The following SPHKAP variants were observed in gnomAD, a reference collection of about 807,000 sequenced individuals.
SPHKAP encodes the protein SPHK1 interactor, AKAP domain containing, also known as A-kinase anchor protein SPHKAP.
A neutral mutation model predicts 137.5 loss-of-function variants in SPHKAP; 67 were observed. The ratio of observed to expected loss-of-function variants is 0.49; its 90% CI spans 0.40 to 0.60. The LOEUF is 0.60. Among genes scored for constraint, SPHKAP ranks in the 20% least tolerant of loss-of-function variants. SPHKAP has a pLI of 0.00. For missense variants in SPHKAP, 2,097 were observed against 2,069.3 expected (o/e 1.01, Z -0.26); for synonymous variants, 813 against 785.3 (o/e 1.04, Z -0.59).
chr2:228,092,116 TATAC>T (rs1396893318), intron 3 of SPHKAP, among the ~76,000 whole-genome samples: 1 of 134,022 alleles, frequency 7.5e-6, no homozygotes, highest in African/African-American at 2.8e-5. Flanking sequence ...TATACACATA[TATAC>T]ATATACGTAT....
rs143148248 is a variant in SPHKAP at position 227,992,151 on chromosome 2, G to A, written c.4722-825C>T. Among the ~76,000 whole-genome samples, 220 of 152,234 alleles carry A rather than the reference G, an allele frequency of 1.4e-3. 2 individuals carry two copies. In the East Asian group the frequency reaches 0.021, roughly 15 times the overall value. ...CCTGTGGTTGTCCTATATTTTTGTCGTGTCTAGAAATTAGAGTACAGGAGC... is the reference window on the plus strand; with the variant it reads ...CCTGTGGTTGTCCTATATTTTTGTCATGTCTAGAAATTAGAGTACAGGAGC... On this transcript the variant is annotated intron_variant, in intron 9 of 11. Coordinates refer to ENST00000392056, the MANE Select transcript of SPHKAP (RefSeq NM_001142644.2).
At chr2:228,101,762 T>C (rs763956483) in intron 3 of SPHKAP, among the ~76,000 whole-genome samples, 1 of 152,224 alleles carries the variant, frequency 6.6e-6, no homozygotes, top group Non-Finnish European at 1.5e-5. Context: ...AGGTTCTAAA[T>C]TGAACCATTC....
intron 3 of SPHKAP, among the ~76,000 whole-genome samples, chr2:228,033,692 G>A (rs993345877): frequency 6.6e-6 from 1 of 152,160 alleles, no homozygotes; most frequent in Admixed American, 6.6e-5. Flanking sequence ...TCAGACCACA[G>A]TGCAATTAAA....
chr2:228,129,917 C>A (rs767148981), intron 2 of SPHKAP, among the ~76,000 whole-genome samples: 2 of 151,680 alleles, frequency 1.3e-5, no homozygotes, highest in African/African-American at 2.4e-5. Context: ...TTGTCTCAAC[C>A]GCCCGAGTAG....
intron 1 of SPHKAP, among the ~76,000 whole-genome samples, chr2:228,166,767 A>G (rs1473994239): frequency 1.3e-5 from 2 of 152,198 alleles, no homozygotes; most frequent in African/African-American, 4.8e-5. Flanking sequence ...TCATTCTTGC[A>G]TTGCTATGAA....
At chr2:228,135,681 A>G (rs1329955164) in intron 1 of SPHKAP, among the ~76,000 whole-genome samples, 1 of 152,198 alleles carries the variant, frequency 6.6e-6, no homozygotes, top group Non-Finnish European at 1.5e-5. Context: ...CATTTGTTCT[A>G]ATGCTAAGCC....
rs1259425871 is a variant in SPHKAP at position 228,124,517 on chromosome 2, G to A, written c.138+7463C>T. Among the ~76,000 whole-genome samples, 3 of 149,748 alleles carry A rather than the reference G, an allele frequency of 2.0e-5. No individual in the cohort carries two copies. The South Asian group carries it at 6.3e-4, about 32-fold the overall frequency. On this transcript the variant is annotated intron_variant, in intron 2 of 11. Coordinates refer to ENST00000392056, the MANE Select transcript of SPHKAP (RefSeq NM_001142644.2). ...CAAACACCACACGTTCTCACTCATA[G>A]GTGGGAATTGAACAACGAGAACACT...
chr2:228,034,434 C>T (rs950234061), intron 3 of SPHKAP, among the ~76,000 whole-genome samples: 4 of 152,042 alleles, frequency 2.6e-5, no homozygotes, highest in African/African-American at 7.2e-5. Flanking sequence ...GATTCACAGC[C>T]GAATTCTACC....
intron 3 of SPHKAP, among the ~76,000 whole-genome samples, chr2:228,039,631 C>A (rs1695764116): frequency 6.6e-6 from 1 of 152,006 alleles, no homozygotes; most frequent in South Asian, 2.1e-4. Flanking sequence ...ACATGAAAAT[C>A]TAGTATTCAA....
chr2:228,134,641 T>A (rs1233777053), intron 1 of SPHKAP, among the ~76,000 whole-genome samples: 1 of 152,178 alleles, frequency 6.6e-6, no homozygotes, highest in Non-Finnish European at 1.5e-5. Context: ...AGTTTACATG[T>A]GGAAGATAAG....
chr2:228,150,805 C>A (rs1482424557), intron 1 of SPHKAP, among the ~76,000 whole-genome samples: 1 of 151,928 alleles, frequency 6.6e-6, no homozygotes, highest in Non-Finnish European at 1.5e-5. Context: ...GGCTGGAGTG[C>A]AGTGGTGCCA....
chr2:228,158,394 G>A (rs1161121440), intron 1 of SPHKAP, among the ~76,000 whole-genome samples: 6 of 141,454 alleles, frequency 4.2e-5, no homozygotes, highest in African/African-American at 8.0e-5. Flanking sequence ...GAGAGCAATT[G>A]CATCCCAGCT....
intron 2 of SPHKAP, among the ~76,000 whole-genome samples, chr2:228,114,683 T>C (rs991504526): frequency 2.0e-5 from 3 of 152,124 alleles, no homozygotes; most frequent in African/African-American, 7.2e-5. Flanking sequence ...ATTTAGACAA[T>C]ATCTGTTTCA....
At chr2:228,138,251 G>C (rs1019064622) in intron 1 of SPHKAP, among the ~76,000 whole-genome samples, 1 of 152,130 alleles carries the variant, frequency 6.6e-6, no homozygotes, top group Non-Finnish European at 1.5e-5. Context: ...GTAATTTTCT[G>C]TTCACTAACC....
intron 1 of SPHKAP, among the ~76,000 whole-genome samples, chr2:228,144,846 C>G (rs1238181856): frequency 6.6e-6 from 1 of 152,116 alleles, no homozygotes; most frequent in African/African-American, 2.4e-5. Context: ...TTAGCTGCCA[C>G]AGTAAAGGGG....
chr2:228,017,963 C>T lies in SPHKAP; in HGVS notation c.2891G>A (p.Arg964Lys), dbSNP rs201769319. 1.6e-5 allele frequency: 26 copies of T among 1,614,036 alleles called. No individual in the cohort carries two copies. Among genetic ancestry groups the T allele is most frequent in the Non-Finnish European group, 1.9e-5 (23 of 1,180,040 alleles). Residue 964 changes from arginine to lysine, a missense_variant, in exon 7 of 12, where the codon AGA becomes AAA. Physicochemically the swap from Arg to Lys is conservative, Grantham distance 26. Transcript: ENST00000392056. ...GGGTGTCATCAGAAACTCACTCCCT[C>T]TTTTCCATGCACAAAACCAGGGTTG... The part of the protein sequence containing the change: ...GKQPWFCAWK[R>K]GSEFLMTPNV...
intron 3 of SPHKAP, among the ~76,000 whole-genome samples, chr2:228,075,960 C>T (rs1559159982): frequency 6.6e-6 from 1 of 152,178 alleles, no homozygotes; most frequent in African/African-American, 2.4e-5. Context: ...GTAACTCCCA[C>T]AATTCCCTCG....
At chr2:228,021,199 CTCTT>C (rs913832004) in intron 6 of SPHKAP, among the ~76,000 whole-genome samples, 1 of 152,170 alleles carries the variant, frequency 6.6e-6, no homozygotes, top group African/African-American at 2.4e-5. Context: ...CCTGGATTAT[CTCTT>C]TCTGTCTTCA....
chr2:228,100,637 A>G lies in SPHKAP; in HGVS notation c.246+8195T>C, dbSNP rs141524415. The stretch of plus-strand genomic sequence containing the variant: ...CTTTTTAATTCTGTTTATGTGGTGA[A>G]TCACATTAATTGATTTGTATATGTT... On this transcript the variant is annotated intron_variant, in intron 3 of 11. Transcript: ENST00000392056. Among the ~76,000 whole-genome samples the G allele has an allele frequency of 4.3e-3, 650 of 152,256 alleles. 7 individuals are homozygous for G. The highest frequency in any genetic ancestry group is 0.015 in the African/African-American group (620 of 41,552).
Sources: allele counts gnomAD v4.1 joint callset (sites outside exome capture counted in the v4.1 genomes callset), GRCh38; gene constraint gnomAD v4.1.1; transcripts MANE v1.5; gene names NCBI Gene and HGNC (gene_info 2026-07-23, HGNC 2026-07-21).